The following MEGF10 variants were observed in gnomAD, a reference collection of about 807,000 sequenced individuals.
The protein encoded by MEGF10 is multiple EGF like domains 10.
A neutral mutation model predicts 147.5 loss-of-function variants in MEGF10; 86 were observed. The observed-to-expected ratio is 0.58, with a 90% CI of 0.49 to 0.70. The LOEUF (loss-of-function observed/expected upper bound fraction) is 0.70. Among genes scored for constraint, MEGF10 ranks in the 30% least tolerant of loss-of-function variants. MEGF10 has a pLI of 0.00. For missense variants in MEGF10, 1,329 were observed against 1,487.3 expected (o/e 0.89, Z 1.75); for synonymous variants, 478 against 525.5 (o/e 0.91, Z 1.24).
chr5:127,272,201 T>C, the MEGF10 span, among the ~76,000 whole-genome samples: 1 of 152,154 alleles, frequency 6.6e-6, no homozygotes, highest in African/African-American at 2.4e-5. Context: ...CTTTCTCCAT[T>C]GCTTATTTTG....
chr5:127,412,938 C>A (rs924056210), intron 9 of MEGF10, among the ~76,000 whole-genome samples: 1 of 152,096 alleles, frequency 6.6e-6, no homozygotes, highest in African/African-American at 2.4e-5. Flanking sequence ...GCAGGCTAGC[C>A]TGGGCTTTTT....
chr5:127,346,162 T>TA (rs1761879119), intron 4 of MEGF10, among the ~76,000 whole-genome samples: 1 of 152,210 alleles, frequency 6.6e-6, no homozygotes, highest in Non-Finnish European at 1.5e-5. Context: ...TGTGTTGCTA[T>TA]AAACATGCAT....
Position 127,445,570 on chromosome 5 carries a change from G to T in MEGF10, c.2605G>T (p.Val869Phe). 1 of 1,613,998 alleles carries T rather than the reference G, an allele frequency of 6.2e-7. No homozygotes were observed. The highest frequency in any genetic ancestry group is 1.1e-5 in the South Asian group (1 of 91,074). The change falls in exon 20 of 25, where the codon GTT becomes TTT. Residue 869 changes from valine to phenylalanine, a missense_variant. This residue lies in a region of MEGF10 where 343 missense variants were observed against 377.9 expected (regional missense o/e 0.91). Transcript: ENST00000503335. ...IAGIIILVLV[V>F]LFLLALFIIY... ...AGGCATCATCATTCTTGTCCTAGTT[G>T]TTCTCTTCCTACTGGCATTGTTCAT...
chr5:127,345,745 A>G (rs926499798), intron 4 of MEGF10, among the ~76,000 whole-genome samples: 14 of 152,064 alleles, frequency 9.2e-5, no homozygotes, highest in Admixed American at 4.6e-4. Context: ...GTGTTTGGTT[A>G]TATCAATAAG....
At chr5:127,283,144 T>C in the MEGF10 span, among the ~76,000 whole-genome samples, 4 of 152,220 alleles carry the variant, frequency 2.6e-5, no homozygotes, top group Non-Finnish European at 2.9e-5. Context: ...ACAGTATGCA[T>C]TCATATTGCA....
intron 1 of MEGF10, among the ~76,000 whole-genome samples, chr5:127,313,356 A>G (rs1760380475): frequency 6.6e-6 from 1 of 152,186 alleles, no homozygotes; most frequent in African/African-American, 2.4e-5. Context: ...TACCTCCAAG[A>G]GAATTTGTAG....
At chr5:127,247,436 A>AGAAGAAGAAGAAGAG in the MEGF10 span, among the ~76,000 whole-genome samples, 1 of 112,126 alleles carries the variant, frequency 8.9e-6, no homozygotes, top group Admixed American at 9.1e-5. Context: ...AAGAAGAAGA[A>AGAAGAAGAAGAAGAG]GAAGAAGAAG....
At chr5:127,401,999 G>A (rs186968246) in intron 7 of MEGF10, among the ~76,000 whole-genome samples, 3 of 152,242 alleles carry the variant, frequency 2.0e-5, no homozygotes, top group African/African-American at 4.8e-5. Flanking sequence ...GTCTGTCTTC[G>A]GCAATGTGAT....
At chr5:127,449,660 A>G (rs1171762831) in intron 22 of MEGF10, among the ~76,000 whole-genome samples, 2 of 152,136 alleles carry the variant, frequency 1.3e-5, no homozygotes, top group African/African-American at 2.4e-5. Context: ...AGCTTGGCTC[A>G]CAGCTGTGTG....
the MEGF10 span, among the ~76,000 whole-genome samples, chr5:127,266,188 C>T: frequency 6.6e-6 from 1 of 151,696 alleles, no homozygotes; most frequent in African/African-American, 2.4e-5. Context: ...ATCCTTTCCC[C>T]ATTTCTTGTG....
intron 5 of MEGF10, among the ~76,000 whole-genome samples, chr5:127,384,745 G>A (rs1228751982): frequency 6.6e-6 from 1 of 152,242 alleles, no homozygotes; most frequent in Middle Eastern, 3.2e-3. Flanking sequence ...CAGCTCTCCA[G>A]AGGGGTTTTT....
Position 127,433,344 on chromosome 5 carries a change from C to G in MEGF10, c.1694-19C>G, listed in dbSNP as rs1210681765. 1 of 1,614,052 alleles carries G rather than the reference C, an allele frequency of 6.2e-7. No individual in the cohort carries two copies. Among genetic ancestry groups the G allele is most frequent in the East Asian group, 2.2e-5 (1 of 44,894 alleles). On this transcript the variant is annotated intron_variant, in intron 13 of 24. Coordinates refer to ENST00000503335, the MANE Select transcript of MEGF10 (RefSeq NM_001256545.2). ...CGCACTGCCTCTCACTCAGCCTTGC[C>G]CCATGTGCATTATTTCAGGTGTCCA...
chr5:127,369,081 C>T (rs1273868113), intron 4 of MEGF10, among the ~76,000 whole-genome samples: 1 of 152,120 alleles, frequency 6.6e-6, no homozygotes, highest in Non-Finnish European at 1.5e-5. Context: ...TCATCCCACC[C>T]TTAAATAAAA....
chr5:127,235,169 C>A, the MEGF10 span, among the ~76,000 whole-genome samples: 54 of 152,270 alleles, frequency 3.5e-4, no homozygotes, highest in African/African-American at 1.3e-3. Context: ...TCTTTATGAG[C>A]CAGTTATTGC....
At position 127,349,809 on chromosome 5, in the gene MEGF10, C is replaced by T. The variant is rs79486858; in HGVS notation, c.319+9179C>T. 2.2e-4 allele frequency among the ~76,000 whole-genome samples: 33 copies of T among 151,996 alleles called. No individual in the cohort carries two copies. The East Asian group carries it at 5.8e-3, about 27-fold the overall frequency. Reference sequence around the variant, plus strand: ...CCTACCACCTGTTCTAGATGGCGTACCCAGTATTCATTCAATGTAAGACAT... The same window carrying T: ...CCTACCACCTGTTCTAGATGGCGTATCCAGTATTCATTCAATGTAAGACAT... On this transcript the variant is annotated intron_variant, in intron 4 of 24. Transcript: ENST00000503335.
the MEGF10 span, among the ~76,000 whole-genome samples, chr5:127,252,605 G>A: frequency 0.011 from 1,646 of 151,938 alleles, 28 homozygotes; most frequent in African/African-American, 0.036. Context: ...ATGTGAGGGT[G>A]TAGGAAAAAT....
At chr5:127,352,119 G>T (rs112222872) in intron 4 of MEGF10, among the ~76,000 whole-genome samples, 1 of 152,046 alleles carries the variant, frequency 6.6e-6, no homozygotes, top group Admixed American at 6.5e-5. Context: ...TCTCTGGGAA[G>T]GGTAAAATGG....
intron 8 of MEGF10, among the ~76,000 whole-genome samples, chr5:127,407,223 G>A (rs1318518567): frequency 6.6e-6 from 1 of 152,114 alleles, no homozygotes; most frequent in East Asian, 1.9e-4. Flanking sequence ...ATGTTAGAAA[G>A]GTAGGCAGCT....
intron 1 of MEGF10, among the ~76,000 whole-genome samples, chr5:127,301,233 C>T (rs1304912383): frequency 6.6e-6 from 1 of 152,168 alleles, no homozygotes; most frequent in East Asian, 1.9e-4. Context: ...CCCAGAACAA[C>T]CTGTCGTCCT....
Sources: gnomAD v4.1 joint callset for allele counts (sites outside exome capture counted in the v4.1 genomes callset) on GRCh38, gnomAD v4.1.1 for gene constraint, gnomAD v4.1.1 regional missense constraint, MANE v1.5 for transcripts, NCBI Gene and HGNC (gene_info 2026-07-23, HGNC 2026-07-21) for gene names.